Variants in APOC1 observed in about 807,000 individuals in gnomAD.
The protein encoded by APOC1 is apolipoprotein C1, also known as apolipoprotein C-I.
APOC1 carries 4 observed loss-of-function variants against 6.7 expected under a neutral mutation model. The observed-to-expected ratio is 0.60, with a 90% CI of 0.29 to 1.37. APOC1 has a LOEUF of 1.37. APOC1 is among the 40% of genes most tolerant of loss of function. APOC1 has a pLI of 0.09. For synonymous variants in APOC1, 33 were observed against 40.6 expected, an observed-to-expected ratio of 0.81 and a Z score of 0.72; for missense variants, 122 against 99.4, an observed-to-expected ratio of 1.23 and a Z score of -0.97.
chr19:44,916,176 C>T lies in APOC1; in HGVS notation c.59-14C>T. 1.4e-6 allele frequency: 2 copies of T among 1,386,078 alleles called. No individual in the cohort carries two copies. Among genetic ancestry groups the T allele is most frequent in the Non-Finnish European group, 2.0e-6 (2 of 1,022,748 alleles). 85.9% of individuals were successfully genotyped at this position (1,386,078 alleles called of 1,614,324 possible). A position where few individuals can be genotyped will look rare whatever the true frequency, so the allele number is the denominator to read the frequency against. The stretch of plus-strand genomic sequence containing the variant: ...AAAAAACAAATTTTGAACCCCTGCC[C>T]ATCTTCCTGGCAGGCCCAGCCCCAG... On this transcript the variant is annotated splice_polypyrimidine_tract_variant and intron_variant, in intron 2 of 3. Coordinates refer to ENST00000592535, the MANE Select transcript of APOC1 (RefSeq NM_001645.5).
chr19:44,916,152 A>T (rs1485679392), intron 2 of APOC1, 38 bp from the exon 3 acceptor site: 2 of 1,524,714 alleles, frequency 1.3e-6, no homozygotes, highest in Non-Finnish European at 8.8e-7. Flanking sequence ...AAAAAAAAAA[A>T]AAAACAAATT....
At chr19:44,919,017 A>G (rs1436467766) in intron 3 of APOC1, 156 bp from the exon 4 acceptor site, 1 of 700,190 alleles carries the variant, frequency 1.4e-6, no homozygotes, top group Non-Finnish European at 2.5e-6. Context: ...GAGGCACAGA[A>G]GTTGGCCCAC....
At chr19:44,917,088 A>C (rs1050575012) in intron 3 of APOC1, among the ~76,000 whole-genome samples, 2 of 152,062 alleles carry the variant, frequency 1.3e-5, no homozygotes, top group Non-Finnish European at 2.9e-5. Context: ...ACAGAGGGGC[A>C]TTACTGTGAG....
intron 2 of APOC1, 92 bp downstream of exon 2, chr19:44,915,041 A>G: frequency 7.1e-7 from 1 of 1,401,622 alleles, no homozygotes; most frequent in East Asian, 2.4e-5. Flanking sequence ...GACCTCTGAG[A>G]GCTCCGGGGC....
At chr19:44,915,274 A>G in intron 2 of APOC1, 3 of 332,116 alleles carry the variant, frequency 9.0e-6, no homozygotes, top group Non-Finnish European at 1.7e-5. Context: ...AATTCCCAGC[A>G]GCTTGAGCCC....
At chr19:44,914,588 G>A (rs887877177), upstream of APOC1, 2 of 410,486 alleles carry the variant, frequency 4.9e-6, no homozygotes, top group Admixed American at 3.6e-5. Flanking sequence ...GGAGAAAAAC[G>A]TGGGTGGACA....
At chr19:44,916,540 G>A in intron 3 of APOC1, 3 of 635,320 alleles carry the variant, frequency 4.7e-6, no homozygotes, top group Non-Finnish European at 7.7e-6. Context: ...GTCTTGGGCT[G>A]GGCACGGTGG....
chr19:44,915,540 C>A (rs949673338), intron 2 of APOC1, among the ~76,000 whole-genome samples: 1 of 150,774 alleles, frequency 6.6e-6, no homozygotes, highest in Non-Finnish European at 1.5e-5. Flanking sequence ...CTTTGTGATC[C>A]GCCTGCCTCG....
chr19:44,915,995 G>T (rs1969996503), intron 2 of APOC1, among the ~76,000 whole-genome samples, 195 bp from the exon 3 acceptor site: 1 of 151,006 alleles, frequency 6.6e-6, no homozygotes, highest in Admixed American at 6.6e-5. Flanking sequence ...AAAATAGCTG[G>T]GTGTGGTGGT....
In APOC1 at chr19:44,916,250, T is replaced by C; in HGVS notation, c.119T>C (p.Phe40Ser). 1 of 1,613,480 alleles carries C rather than the reference T, an allele frequency of 6.2e-7. No individual in the cohort carries two copies. The highest frequency in any genetic ancestry group is 8.5e-7 in the Non-Finnish European group (1 of 1,179,946). The change falls in exon 3 of 4, where the codon TTT becomes TCT. Residue 40 changes from phenylalanine (F) to serine (S), a missense_variant. Transcript: ENST00000592535. ...VSSALDKLKE[F>S]GNTLEDKARE... is the part of the protein sequence containing the mutation. ...AGTGCCTTGGATAAGCTGAAGGAGT[T>C]TGGAAACACACTGGAGGACAAGGCT... is the stretch of plus-strand genomic sequence containing the variant.
chr19:44,915,891 C>T (rs1295841913), intron 2 of APOC1, among the ~76,000 whole-genome samples: 1 of 151,930 alleles, frequency 6.6e-6, no homozygotes, highest in Admixed American at 6.6e-5. Flanking sequence ...ATCACTTGAA[C>T]CCGGGAGGCG....
At chr19:44,915,587 C>A (rs5118) in intron 2 of APOC1, among the ~76,000 whole-genome samples, 1 of 151,322 alleles carries the variant, frequency 6.6e-6, no homozygotes, top group Non-Finnish European at 1.5e-5. Flanking sequence ...CGTGAGCCAC[C>A]GCGTCCGGCC....
chr19:44,916,282 C>T lies in APOC1; in HGVS notation c.151C>T (p.Leu51Phe). 6.2e-7 allele frequency: 1 copy of T among 1,613,988 alleles called. No homozygotes were observed. Among genetic ancestry groups the T allele is most frequent in the African/African-American group, 1.3e-5 (1 of 74,972 alleles). Residue 51 changes from leucine to phenylalanine, a missense_variant, in exon 3 of 4, where the codon CTC (leucine) becomes TTC (phenylalanine). By Grantham distance (22) the Leu-to-Phe change is conservative (BLOSUM62 0). Transcript: ENST00000592535. ...GNTLEDKARE[L>F]ISRIKQSELS... ...CACACTGGAGGACAAGGCTCGGGAA[C>T]TCATCAGCCGCATCAAACAGAGTGA... is the stretch of plus-strand genomic sequence containing the variant.
intron 3 of APOC1, among the ~76,000 whole-genome samples, chr19:44,917,776 C>T (rs1970034687): frequency 6.6e-6 from 1 of 151,804 alleles, no homozygotes; most frequent in Non-Finnish European, 1.5e-5. Context: ...GTCAGGAGTT[C>T]GAGACCAGCC....
At chr19:44,918,150 C>T (rs1970040655) in intron 3 of APOC1, among the ~76,000 whole-genome samples, 1 of 149,948 alleles carries the variant, frequency 6.7e-6, no homozygotes, top group African/African-American at 2.5e-5. Context: ...CACCTGTAGT[C>T]CCAGCTACTC....
Position 44,916,276 on chromosome 19 carries a change from C to A in APOC1, c.145C>A (p.Arg49=), listed in dbSNP as rs773324927. The change falls in exon 3 of 4, where the codon CGG becomes AGG. Residue 49 remains arginine, a synonymous_variant. Transcript: ENST00000592535. ...TGGAAACACACTGGAGGACAAGGCT[C>A]GGGAACTCATCAGCCGCATCAAACA... ...EFGNTLEDKA[R]ELISRIKQSE... 1 of 1,613,950 alleles carries A rather than the reference C, an allele frequency of 6.2e-7. No individual in the cohort carries two copies. The highest frequency in any genetic ancestry group is 2.2e-5 in the East Asian group (1 of 44,882).
At chr19:44,918,108 A>C (rs1970039995) in intron 3 of APOC1, among the ~76,000 whole-genome samples, 1 of 150,380 alleles carries the variant, frequency 6.6e-6, no homozygotes, top group South Asian at 2.1e-4. Flanking sequence ...TCTGTACTAA[A>C]AATACAAAAA....
intron 2 of APOC1, 31 bp from the exon 3 acceptor site, chr19:44,916,159 A>AAT (rs1307529165): frequency 6.5e-7 from 1 of 1,543,336 alleles, no homozygotes; most frequent in Non-Finnish European, 8.7e-7. Context: ...AAAAAAAACA[A>AAT]ATTTTGAACC....
At chr19:44,915,096 A>C in intron 2 of APOC1, 147 bp downstream of exon 2, 1 of 786,602 alleles carries the variant, frequency 1.3e-6, no homozygotes. Flanking sequence ...GTGGGTCTCC[A>C]GGTTCTCCCA....
Sources: gnomAD v4.1 joint callset for allele counts (sites outside exome capture counted in the v4.1 genomes callset) on GRCh38, gnomAD v4.1.1 for gene constraint, MANE v1.5 for transcripts, NCBI Gene and HGNC (gene_info 2026-07-23, HGNC 2026-07-21) for gene names.